Variants in RAD51B observed in about 807,000 individuals in gnomAD.
The protein encoded by RAD51B is DNA repair protein RAD51 homolog 2.
In RAD51B, 38 loss-of-function variants were observed where a neutral mutation model predicts 42.2. That is an observed-to-expected ratio of 0.90 (90% confidence interval 0.70 to 1.18). The LOEUF (loss-of-function observed/expected upper bound fraction) is 1.18. RAD51B is among the 50% of genes most tolerant of loss of function. RAD51B has a pLI of 0.00. For missense variants in RAD51B, 373 were observed against 400.7 expected (o/e 0.93, Z 0.59); for synonymous variants, 154 against 145.2 (o/e 1.06, Z -0.43).
At chr14:68,375,730 A>T (rs760862631) in intron 8 of RAD51B, among the ~76,000 whole-genome samples, 1 of 152,138 alleles carries the variant, frequency 6.6e-6, no homozygotes, top group Non-Finnish European at 1.5e-5. Context: ...TGAATGCATT[A>T]ATGAATCAGC....
intron 10 of RAD51B, among the ~76,000 whole-genome samples, chr14:68,493,742 C>T (rs1884269966): frequency 6.6e-6 from 1 of 152,186 alleles, no homozygotes; most frequent in Admixed American, 6.5e-5. Flanking sequence ...ATAAATCTCC[C>T]AATGCTTTAT....
intron 8 of RAD51B, among the ~76,000 whole-genome samples, chr14:68,316,351 A>G (rs2082061672): frequency 6.6e-6 from 1 of 152,254 alleles, no homozygotes; most frequent in Non-Finnish European, 1.5e-5. Context: ...TGTGCTGGTC[A>G]AGGAAGTGTT....
intron 7 of RAD51B, among the ~76,000 whole-genome samples, chr14:67,912,717 T>TG (rs1022338340): frequency 1.6e-4 from 25 of 152,020 alleles, no homozygotes; most frequent in Non-Finnish European, 2.8e-4. Context: ...AGTTTTTTTT[T>TG]TTTTTTGAGA....
intron 11 of RAD51B, among the ~76,000 whole-genome samples, chr14:68,673,417 T>C (rs1893203042): frequency 6.6e-6 from 1 of 151,580 alleles, no homozygotes; most frequent in Admixed American, 6.6e-5. Context: ...ACACATACTG[T>C]ATGCAAACAT....
chr14:68,354,403 C>T (rs1325281149), intron 8 of RAD51B, among the ~76,000 whole-genome samples: 1 of 151,878 alleles, frequency 6.6e-6, no homozygotes, highest in Non-Finnish European at 1.5e-5. Flanking sequence ...TTAGTAGAGA[C>T]GAGGTTTCAC....
chr14:67,894,776 A>G (rs1315337175), intron 7 of RAD51B, among the ~76,000 whole-genome samples: 1 of 152,076 alleles, frequency 6.6e-6, no homozygotes, highest in African/African-American at 2.4e-5. Flanking sequence ...TAAATGTCCC[A>G]TTCTTTTTTT....
intron 10 of RAD51B, among the ~76,000 whole-genome samples, chr14:68,588,950 A>C (rs565734167): frequency 7.6e-4 from 116 of 152,170 alleles, no homozygotes; most frequent in Non-Finnish European, 1.3e-3. Flanking sequence ...GGCTTGGCTA[A>C]AGCTGCTTTT....
chr14:68,162,904 A>G, intron 7 of RAD51B, among the ~76,000 whole-genome samples: 1 of 152,252 alleles, frequency 6.6e-6, no homozygotes, highest in East Asian at 1.9e-4. Flanking sequence ...TTCTTCCTGT[A>G]AGCATGTGCT....
At chr14:67,871,671 T>C (rs1280617386) in intron 5 of RAD51B, among the ~76,000 whole-genome samples, 47 of 152,024 alleles carry the variant, frequency 3.1e-4, no homozygotes, top group East Asian at 3.9e-4. Context: ...TGATGAACAT[T>C]GATGCAAAAA....
At chr14:68,132,648 G>T (rs146136451) in intron 7 of RAD51B, among the ~76,000 whole-genome samples, 187 of 152,296 alleles carry the variant, frequency 1.2e-3, no homozygotes, top group African/African-American at 4.4e-3. Context: ...GAGAGGGCAG[G>T]CATCCCACTG....
intron 7 of RAD51B, among the ~76,000 whole-genome samples, chr14:68,207,099 C>G (rs1322172318): frequency 1.3e-5 from 2 of 152,058 alleles, no homozygotes; most frequent in African/African-American, 4.8e-5. Flanking sequence ...CACCCCAGTT[C>G]TTTTCTGGTG....
chr14:68,121,892 G>GA (rs139712541), intron 7 of RAD51B, among the ~76,000 whole-genome samples: 2,909 of 151,650 alleles, frequency 0.019, 99 homozygotes, highest in African/African-American at 0.066. Flanking sequence ...TAGTTAAATG[G>GA]AAAAAAATGG....
At chr14:68,340,658 C>T (rs939176132) in intron 8 of RAD51B, among the ~76,000 whole-genome samples, 3 of 152,326 alleles carry the variant, frequency 2.0e-5, no homozygotes, top group Admixed American at 6.5e-5. Context: ...TGTGCACATG[C>T]GTGCATATTA....
chr14:68,331,949 T>A (rs2082360305), intron 8 of RAD51B, among the ~76,000 whole-genome samples: 1 of 152,184 alleles, frequency 6.6e-6, no homozygotes. Context: ...AATACCCCAT[T>A]CATATGCATT....
At chr14:68,325,825 G>A (rs2082237667) in intron 8 of RAD51B, among the ~76,000 whole-genome samples, 1 of 151,912 alleles carries the variant, frequency 6.6e-6, no homozygotes, top group Admixed American at 6.6e-5. Flanking sequence ...ACCACCCATA[G>A]CACTGACCAT....
intron 7 of RAD51B, among the ~76,000 whole-genome samples, chr14:68,192,983 C>A (rs1199683293): frequency 6.6e-6 from 1 of 152,180 alleles, no homozygotes; most frequent in Non-Finnish European, 1.5e-5. Context: ...GTACACAGCT[C>A]TTTTCTTTGA....
At chr14:67,821,635 A>AT (rs1027417993) in intron 1 of RAD51B, among the ~76,000 whole-genome samples, 1 of 151,740 alleles carries the variant, frequency 6.6e-6, no homozygotes, top group Non-Finnish European at 1.5e-5. Flanking sequence ...TAATTTTTGT[A>AT]TTTTTTTGTG....
chr14:68,311,583 C>T (rs2081968621), intron 8 of RAD51B, among the ~76,000 whole-genome samples: 1 of 152,136 alleles, frequency 6.6e-6, no homozygotes, highest in Non-Finnish European at 1.5e-5. Context: ...GTGAGGAGGA[C>T]AAGATTTAAA....
At chr14:67,837,653 A>G (rs1214225023) in intron 4 of RAD51B, among the ~76,000 whole-genome samples, 1 of 151,824 alleles carries the variant, frequency 6.6e-6, no homozygotes, top group Non-Finnish European at 1.5e-5. Context: ...TTTTGCTTTT[A>G]TTACAATTTT....
Sources: gnomAD v4.1 joint callset for allele counts (sites outside exome capture counted in the v4.1 genomes callset) on GRCh38, gnomAD v4.1.1 for gene constraint, MANE v1.5 for transcripts, NCBI Gene and HGNC (gene_info 2026-07-23, HGNC 2026-07-21) for gene names.